UNC5D: variants seen among roughly 807,000 people sequenced by gnomAD.
UNC5D encodes the protein netrin receptor UNC5D.
A neutral mutation model predicts 105.4 loss-of-function variants in UNC5D; 39 were observed. The observed-to-expected ratio is 0.37, with a 90% CI of 0.29 to 0.48. UNC5D has a LOEUF of 0.48. UNC5D is among the 20% of genes least tolerant of loss of function. The pLI, the probability that UNC5D is intolerant of heterozygous loss-of-function variation, is 0.98. For missense variants in UNC5D, 991 were observed against 1,202.4 expected (o/e 0.82, Z 2.60); for synonymous variants, 452 against 450.4 (o/e 1.00, Z -0.04).
intron 1 of UNC5D, among the ~76,000 whole-genome samples, chr8:35,533,648 C>T (rs906099886): frequency 1.7e-4 from 26 of 152,312 alleles, no homozygotes; most frequent in African/African-American, 5.5e-4. Context: ...CCCCCAGCCT[C>T]GCTGCCACCT....
chr8:35,710,952 T>TGTTTTGTTTTGTTTTGTTTTGTTTTG lies in UNC5D; in HGVS notation c.1117+4991_1117+4992insGTTTTGTTTTGTTTTGTTTTGTTTTG, dbSNP rs1827905759. Among the ~76,000 whole-genome samples the TGTTTTGTTTTGTTTTGTTTTGTTTTG allele has an allele frequency of 2.5e-3, 339 of 134,514 alleles. 17 individuals carry two copies. Among genetic ancestry groups the TGTTTTGTTTTGTTTTGTTTTGTTTTG allele is most frequent in the African/African-American group, 0.011 (313 of 29,782 alleles). 88.2% of individuals were successfully genotyped at this position (134,514 alleles called of 152,430 possible). ...CATTATTCTTTTTTTTTTTTTTTTT[T>TGTTTTGTTTTGTTTTGTTTTGTTTTG]TTTTGAGACGGAGTCTCGCTCTGTC... On this transcript the variant is annotated intron_variant, in intron 8 of 16. Coordinates refer to ENST00000404895, the MANE Select transcript of UNC5D (RefSeq NM_080872.4).
intron 1 of UNC5D, among the ~76,000 whole-genome samples, chr8:35,432,987 G>A (rs941130163): frequency 6.6e-6 from 1 of 152,170 alleles, no homozygotes; most frequent in Non-Finnish European, 1.5e-5. Context: ...TTGGGGAGGT[G>A]AGAGACCATG....
intron 1 of UNC5D, among the ~76,000 whole-genome samples, chr8:35,499,591 A>G (rs1429333421): frequency 2.6e-5 from 4 of 152,136 alleles, no homozygotes; most frequent in African/African-American, 2.4e-5. Flanking sequence ...CAGAGGAAAC[A>G]TTTTTTTGAG....
At chr8:35,689,870 C>T (rs1438334187) in intron 7 of UNC5D, among the ~76,000 whole-genome samples, 1 of 152,104 alleles carries the variant, frequency 6.6e-6, no homozygotes, top group Non-Finnish European at 1.5e-5. Context: ...TATCTGGGCA[C>T]CCCATGGCCC....
intron 4 of UNC5D, among the ~76,000 whole-genome samples, chr8:35,612,996 C>T (rs1166705408): frequency 6.6e-6 from 1 of 152,048 alleles, no homozygotes; most frequent in African/African-American, 2.4e-5. Context: ...TGTGGAAACC[C>T]TCTGCAGAGG....
At chr8:35,294,151 G>A (rs1211822854) in intron 1 of UNC5D, among the ~76,000 whole-genome samples, 1 of 152,166 alleles carries the variant, frequency 6.6e-6, no homozygotes, top group Non-Finnish European at 1.5e-5. Context: ...AGGCTCAGGA[G>A]TTAGCAGCTT....
At chr8:35,651,051 G>C (rs894382687) in intron 4 of UNC5D, among the ~76,000 whole-genome samples, 2 of 152,094 alleles carry the variant, frequency 1.3e-5, no homozygotes, top group South Asian at 4.1e-4. Flanking sequence ...ATATTCATGG[G>C]GTCTGGCCCC....
intron 1 of UNC5D, among the ~76,000 whole-genome samples, chr8:35,276,554 A>G (rs2128843092): frequency 6.6e-6 from 1 of 152,352 alleles, no homozygotes; most frequent in African/African-American, 2.4e-5. Context: ...AGCTGATATC[A>G]TTAAAGTTTT....
chr8:35,369,152 C>G (rs1802291938), intron 1 of UNC5D, among the ~76,000 whole-genome samples: 1 of 152,012 alleles, frequency 6.6e-6, no homozygotes, highest in Non-Finnish European at 1.5e-5. Flanking sequence ...TGTAGAGAAA[C>G]AGTGTTGGTG....
intron 4 of UNC5D, among the ~76,000 whole-genome samples, chr8:35,670,045 C>A (rs946645071): frequency 6.6e-6 from 1 of 151,962 alleles, no homozygotes; most frequent in Non-Finnish European, 1.5e-5. Context: ...AGGGCCTAAA[C>A]CTGAGACTTG....
intron 1 of UNC5D, among the ~76,000 whole-genome samples, chr8:35,425,428 A>G (rs1806177851): frequency 6.6e-6 from 1 of 152,096 alleles, no homozygotes; most frequent in African/African-American, 2.4e-5. Flanking sequence ...CCAGGCACAA[A>G]ATGTGGTAAA....
At chr8:35,337,435 T>C (rs772914633) in intron 1 of UNC5D, among the ~76,000 whole-genome samples, 8 of 152,236 alleles carry the variant, frequency 5.3e-5, no homozygotes, top group Non-Finnish European at 8.8e-5. Flanking sequence ...AAAAAAGTAA[T>C]GTTGGATCCC....
intron 1 of UNC5D, among the ~76,000 whole-genome samples, chr8:35,499,094 A>G (rs1009957964): frequency 5.9e-5 from 9 of 152,190 alleles, no homozygotes; most frequent in African/African-American, 2.2e-4. Context: ...AAGTTGAGGG[A>G]AGAGCTTGGG....
intron 4 of UNC5D, among the ~76,000 whole-genome samples, chr8:35,670,504 T>A (rs1477803250): frequency 6.6e-6 from 1 of 152,142 alleles, no homozygotes; most frequent in African/African-American, 2.4e-5. Flanking sequence ...GTGGTGCATA[T>A]ATACCATGCA....
chr8:35,493,054 G>A (rs1357013649), intron 1 of UNC5D, among the ~76,000 whole-genome samples: 3 of 151,944 alleles, frequency 2.0e-5, no homozygotes, highest in East Asian at 1.9e-4. Flanking sequence ...GTTCGACAAG[G>A]AAACTTGCAG....
intron 1 of UNC5D, among the ~76,000 whole-genome samples, chr8:35,536,442 A>G (rs1485442213): frequency 6.6e-6 from 1 of 152,248 alleles, no homozygotes; most frequent in African/African-American, 2.4e-5. Context: ...AAAGAAGGTC[A>G]TCTCATTAAG....
chr8:35,276,444 C>T (rs1204252319), intron 1 of UNC5D, among the ~76,000 whole-genome samples: 3 of 152,184 alleles, frequency 2.0e-5, no homozygotes, highest in Non-Finnish European at 2.9e-5. Flanking sequence ...GGTGCCAGCA[C>T]TTTCCAACAT....
intron 1 of UNC5D, among the ~76,000 whole-genome samples, chr8:35,527,907 C>T (rs1813999656): frequency 6.6e-6 from 1 of 151,948 alleles, no homozygotes; most frequent in Non-Finnish European, 1.5e-5. Flanking sequence ...TTATAAGGGC[C>T]CCACCTCCTA....
chr8:35,380,952 AT>A (rs1803007508), intron 1 of UNC5D, among the ~76,000 whole-genome samples: 1 of 151,984 alleles, frequency 6.6e-6, no homozygotes, highest in Non-Finnish European at 1.5e-5. Context: ...TTACCTTCTA[AT>A]CACTGAATAA....
Sources: gnomAD v4.1 joint callset for allele counts (sites outside exome capture counted in the v4.1 genomes callset) on GRCh38, gnomAD v4.1.1 for gene constraint, MANE v1.5 for transcripts, NCBI Gene and HGNC (gene_info 2026-07-23, HGNC 2026-07-21) for gene names.